Variants in ABHD2 observed in about 807,000 individuals in gnomAD.
ABHD2 encodes the protein abhydrolase domain containing 2, acylglycerol lipase.
A neutral mutation model predicts 48.1 loss-of-function variants in ABHD2; 20 were observed. The observed-to-expected ratio is 0.42, with a 90% CI of 0.29 to 0.60. The LOEUF (loss-of-function observed/expected upper bound fraction) is 0.60. Ranked by LOEUF, ABHD2 falls within the 20% of genes least tolerant of loss-of-function variation. ABHD2 has a pLI of 0.24. For synonymous variants in ABHD2, 209 were observed against 214.2 expected (o/e 0.98, Z 0.21); for missense variants, 405 against 550.9 (o/e 0.74, Z 2.65).
At position 89,100,125 on chromosome 15, in the gene ABHD2, T is replaced by C. The variant is rs564718707; in HGVS notation, c.-107+11562T>C. Among the ~76,000 whole-genome samples, 1 of 152,226 alleles carries C rather than the reference T, an allele frequency of 6.6e-6. No individual in the cohort carries two copies. The highest frequency in any genetic ancestry group is 6.5e-5 in the Admixed American group (1 of 15,278). On this transcript the variant is annotated intron_variant, in intron 1 of 10. Transcript: ENST00000352732. This position sits in a 1 kb window ranked among gnomAD's most constrained non-coding sequence, Gnocchi z 4.4. ...CCTGTAGAAGACATTTAAATTAGCA[T>C]TGATCATGATTGCTCACAGGCAAGT...
At chr15:89,171,461 C>G (rs1312089924) in intron 5 of ABHD2, among the ~76,000 whole-genome samples, 3 of 152,174 alleles carry the variant, frequency 2.0e-5, no homozygotes, top group Non-Finnish European at 4.4e-5. Flanking sequence ...TGCAGCTTTT[C>G]CAATTCACTC....
chr15:89,063,914 C>T, the ABHD2 span, among the ~76,000 whole-genome samples: 1 of 152,052 alleles, frequency 6.6e-6, no homozygotes, highest in Non-Finnish European at 1.5e-5. Flanking sequence ...TGCTGTGCAG[C>T]TGTGCAGCTG....
intron 1 of ABHD2, chr15:89,093,586 T>C (rs763911950): frequency 6.6e-6 from 1 of 152,438 alleles, no homozygotes; most frequent in Non-Finnish European, 1.5e-5. Flanking sequence ...GCACTTTCTG[T>C]TTGGGTAGCT....
At chr15:89,077,955 A>G in the ABHD2 span, among the ~76,000 whole-genome samples, 1 of 152,142 alleles carries the variant, frequency 6.6e-6, no homozygotes, top group Non-Finnish European at 1.5e-5. Flanking sequence ...CCTGCTTACC[A>G]ATGCTCCCTT....
At chr15:89,147,841 G>A (rs1009318001) in intron 3 of ABHD2, among the ~76,000 whole-genome samples, 1 of 150,710 alleles carries the variant, frequency 6.6e-6, no homozygotes, top group Non-Finnish European at 1.5e-5. Flanking sequence ...GGGCACAGTG[G>A]CTCACGCCTG....
chr15:89,143,748 G>T (rs2050446587), intron 3 of ABHD2, among the ~76,000 whole-genome samples: 1 of 151,894 alleles, frequency 6.6e-6, no homozygotes, highest in African/African-American at 2.4e-5. Context: ...TAGAGTAGAA[G>T]GAAATGGCCT....
chr15:89,196,290 C>T lies in ABHD2; in HGVS notation c.*867C>T, dbSNP rs1046732203. 3 of 152,216 alleles carry T rather than the reference C, an allele frequency of 2.0e-5. No individual in the cohort carries two copies. Among genetic ancestry groups the T allele is most frequent in the African/African-American group, 7.2e-5 (3 of 41,442 alleles). 9.4% of individuals were successfully genotyped at this position (152,216 alleles called of 1,614,324 possible). ...GCAGCAAGGCCGGCTATGGAGCTGCCGTCGTGTGACCACAGTGTGATGTCT... is the reference window on the plus strand; with the variant it reads ...GCAGCAAGGCCGGCTATGGAGCTGCTGTCGTGTGACCACAGTGTGATGTCT... On this transcript the variant is annotated 3_prime_UTR_variant, in exon 11 of 11. Transcript: ENST00000352732.
At position 89,176,034 on chromosome 15, in the gene ABHD2, C is replaced by T; in HGVS notation, c.722+39C>T. The T allele has an allele frequency of 1.9e-6, 3 of 1,550,538 alleles. No individual in the cohort carries two copies. The highest frequency in any genetic ancestry group is 8.7e-7 in the Non-Finnish European group (1 of 1,147,136). On this transcript the variant is annotated intron_variant, in intron 6 of 10. Coordinates refer to ENST00000352732, the MANE Select transcript of ABHD2 (RefSeq NM_152924.5). The surrounding 1 kb of genome is among the most constrained non-coding windows in gnomAD (Gnocchi z 4.5). ...GCCTTCCATCAGGGCCTTCAGTTAG[C>T]CCTTATTTATAGAGATGCCCCGACG...
intron 7 of ABHD2, among the ~76,000 whole-genome samples, chr15:89,187,327 A>T (rs1374868194): frequency 6.6e-6 from 1 of 152,250 alleles, no homozygotes; most frequent in Non-Finnish European, 1.5e-5. Context: ...TGGAAATTTT[A>T]GGTTAACTTT....
intron 3 of ABHD2, among the ~76,000 whole-genome samples, chr15:89,118,533 A>T (rs1488366987): frequency 6.6e-6 from 1 of 152,012 alleles, no homozygotes; most frequent in Non-Finnish European, 1.5e-5. Flanking sequence ...ATTTGCACTC[A>T]CTTTCAGCTT....
chr15:89,062,438 G>C, the ABHD2 span, among the ~76,000 whole-genome samples: 5 of 152,054 alleles, frequency 3.3e-5, no homozygotes, highest in African/African-American at 1.2e-4. Context: ...AGCCTGTAGT[G>C]CAGTGGTGTG....
At chr15:89,049,968 A>C in the ABHD2 span, among the ~76,000 whole-genome samples, 1 of 152,164 alleles carries the variant, frequency 6.6e-6, no homozygotes, top group African/African-American at 2.4e-5. Flanking sequence ...GGCTCTGGGC[A>C]GGGCTGTGAC....
chr15:89,179,729 C>G lies in ABHD2; in HGVS notation c.722+3734C>G, dbSNP rs1389900129. On this transcript the variant is annotated intron_variant, in intron 6 of 10. Coordinates refer to ENST00000352732, the MANE Select transcript of ABHD2 (RefSeq NM_152924.5). The surrounding 1 kb of genome is among the most constrained non-coding windows in gnomAD (Gnocchi z 4.3). ...AAATTGTCTTCCACAAAGCCAGTCC[C>G]AAGGACTGCTTCCTTACAGGACAGT... Among the ~76,000 whole-genome samples, 2 of 152,302 alleles carry G rather than the reference C, an allele frequency of 1.3e-5. No homozygotes were observed. The highest frequency in any genetic ancestry group is 1.9e-4 in the East Asian group (1 of 5,180).
At chr15:89,148,118 CAAAAAAA>C (rs10711138) in intron 3 of ABHD2, among the ~76,000 whole-genome samples, 1 of 69,578 alleles carries the variant, frequency 1.4e-5, no homozygotes, top group African/African-American at 5.3e-5. Context: ...GACTCCGTCT[CAAAAAAA>C]AAAAAAAAAA....
At position 89,199,045 on chromosome 15, in the gene ABHD2, G is replaced by T. The variant is rs2051441555; in HGVS notation, c.*3622G>T. The T allele has an allele frequency of 6.6e-6, 1 of 152,116 alleles. No homozygotes were observed. 9.4% of individuals were successfully genotyped at this position (152,116 alleles called of 1,614,324 possible). On this transcript the variant is annotated 3_prime_UTR_variant, in exon 11 of 11. Transcript: ENST00000352732. The surrounding 1 kb of genome is among the most constrained non-coding windows in gnomAD (Gnocchi z 4.1). ...CAGAGCATTGAGAATTCCCAGGGCA[G>T]AAATCCTTCCTGCTCAGGCTTTCAT...
At chr15:89,162,372 T>G (rs1203789625) in intron 5 of ABHD2, among the ~76,000 whole-genome samples, 5 of 152,234 alleles carry the variant, frequency 3.3e-5, no homozygotes, top group African/African-American at 1.2e-4. Context: ...ATGCCACTTT[T>G]CGATCTCCTT....
intron 1 of ABHD2, among the ~76,000 whole-genome samples, chr15:89,111,193 C>G (rs1440564939): frequency 1.3e-5 from 2 of 152,034 alleles, no homozygotes; most frequent in African/African-American, 4.8e-5. Flanking sequence ...CTTAGATTTT[C>G]TTAGTTGCTA....
rs1490990651 is a variant in ABHD2, at chr15:89,097,648, G to A, written c.-107+9085G>A. 2.6e-5 allele frequency among the ~76,000 whole-genome samples: 4 copies of A among 152,048 alleles called. No homozygotes were observed. The highest frequency in any genetic ancestry group is 1.9e-4 in the East Asian group (1 of 5,198). Reference sequence around the variant, plus strand: ...TATTTGTTTACTTTTGACAGATAACGCATTCATGTGTTATAACATTCAAAA... The same window carrying A: ...TATTTGTTTACTTTTGACAGATAACACATTCATGTGTTATAACATTCAAAA... On this transcript the variant is annotated intron_variant, in intron 1 of 10. Coordinates refer to ENST00000352732, the MANE Select transcript of ABHD2 (RefSeq NM_152924.5). The surrounding 1 kb of genome is among the most constrained non-coding windows in gnomAD (Gnocchi z 4.2).
At chr15:89,111,981 A>G (rs532041681) in intron 1 of ABHD2, among the ~76,000 whole-genome samples, 1 of 152,154 alleles carries the variant, frequency 6.6e-6, no homozygotes, top group African/African-American at 2.4e-5. Context: ...TCAAATATTC[A>G]GTCAACACAG....
Sources: allele counts gnomAD v4.1 joint callset (sites outside exome capture counted in the v4.1 genomes callset), GRCh38; gene constraint gnomAD v4.1.1; non-coding constraint Gnocchi (gnomAD v3.1); transcripts MANE v1.5; gene names NCBI Gene and HGNC (gene_info 2026-07-23, HGNC 2026-07-21).